Variants in ZNF138 observed in about 807,000 individuals in gnomAD.
The protein encoded by ZNF138 is zinc finger protein 138 (clone pHZ-32).
Under a neutral mutation model 33.0 loss-of-function variants are expected in ZNF138, and 33 were observed. The observed-to-expected ratio is 1.00, with a 90% confidence interval of 0.76 to 1.34. The LOEUF (loss-of-function observed/expected upper bound fraction) is 1.34, where lower values mean the gene tolerates loss of function less well. ZNF138 is among the 40% of genes most tolerant of loss of function. The pLI is 0.00. For synonymous variants in ZNF138, 139 were observed against 120.4 expected (o/e 1.15, Z -1.01); for missense variants, 360 against 370.8 (o/e 0.97, Z 0.24).
chr7:64,843,833 T>TTTG, the ZNF138 span, among the ~76,000 whole-genome samples: 1 of 151,820 alleles, frequency 6.6e-6, no homozygotes, highest in Non-Finnish European at 1.5e-5. Flanking sequence ...TTTTTTTTAT[T>TTTG]TTTTTGTTTT....
At chr7:64,794,948 A>G (rs1489468898) in intron 1 of ZNF138, among the ~76,000 whole-genome samples, 2 of 152,104 alleles carry the variant, frequency 1.3e-5, no homozygotes, top group African/African-American at 4.8e-5. Flanking sequence ...CTTTTCCCCT[A>G]TTAAAATTTA....
chr7:64,831,187 G>A lies in ZNF138; in HGVS notation c.209-264G>A, dbSNP rs1056819875. On this transcript the variant is annotated intron_variant, in intron 3 of 3. Coordinates refer to ENST00000307355, the MANE Select transcript of ZNF138 (RefSeq NM_001271639.2). ...ACAGAAAGAGCTGTGTTGGGTAAAT[G>A]TAACAGACTTTTCTCTCTCTTCTGT... 2.1e-6 allele frequency: 3 copies of A among 1,403,000 alleles called. No homozygotes were observed. In the South Asian group the frequency reaches 4.2e-5, roughly 20 times the overall value. The allele number at this position is 1,403,000 out of a possible 1,614,324, so 86.9% of individuals were successfully genotyped here.
the ZNF138 span, among the ~76,000 whole-genome samples, chr7:64,839,190 C>T: frequency 2.0e-5 from 3 of 152,296 alleles, no homozygotes; most frequent in South Asian, 4.1e-4. Context: ...GGGGGGCCAG[C>T]GAGATTGGTT....
chr7:64,802,885 GT>G (rs1205006675), intron 1 of ZNF138, among the ~76,000 whole-genome samples: 5 of 151,426 alleles, frequency 3.3e-5, no homozygotes, highest in African/African-American at 9.7e-5. Context: ...ATATCTGATT[GT>G]TCCCCTGCCT....
intron 3 of ZNF138, among the ~76,000 whole-genome samples, chr7:64,830,345 G>T (rs1285207780): frequency 1.3e-5 from 2 of 151,486 alleles, no homozygotes; most frequent in Non-Finnish European, 2.9e-5. Flanking sequence ...TCCACAATTT[G>T]TTTTTTAATA....
chr7:64,810,461 G>GGGGGAC (rs1788075918), intron 1 of ZNF138, among the ~76,000 whole-genome samples: 2 of 149,168 alleles, frequency 1.3e-5, no homozygotes, highest in African/African-American at 2.5e-5. Context: ...GAGAGGGGGA[G>GGGGGAC]GGGGAGAGGG....
At chr7:64,855,854 C>T in the ZNF138 span, among the ~76,000 whole-genome samples, 3 of 10,354 alleles carry the variant, frequency 2.9e-4, no homozygotes, top group African/African-American at 3.1e-4. Flanking sequence ...GTGATCTCGG[C>T]TCGCTACAAC....
At chr7:64,843,429 G>A in the ZNF138 span, among the ~76,000 whole-genome samples, 225 of 152,262 alleles carry the variant, frequency 1.5e-3, 1 homozygote, top group African/African-American at 5.1e-3. Context: ...CCATCAGTGT[G>A]CAAGCATTGC....
chr7:64,803,458 T>C (rs1376071212), intron 1 of ZNF138, among the ~76,000 whole-genome samples: 1 of 152,160 alleles, frequency 6.6e-6, no homozygotes, highest in Non-Finnish European at 1.5e-5. Flanking sequence ...TTATTTAATA[T>C]TTGCAGGCTG....
intron 3 of ZNF138, among the ~76,000 whole-genome samples, chr7:64,825,432 A>G (rs1317849579): frequency 2.0e-5 from 3 of 151,386 alleles, no homozygotes; most frequent in Admixed American, 6.6e-5. Flanking sequence ...TGGCCTCCCA[A>G]AGTGCTGGGA....
the ZNF138 span, among the ~76,000 whole-genome samples, chr7:64,851,558 AAC>A: frequency 1.3e-5 from 2 of 152,210 alleles, no homozygotes; most frequent in Non-Finnish European, 2.9e-5. Context: ...CCATCCACAG[AAC>A]AGTCTTTATT....
At chr7:64,816,632 A>G (rs1788659298) in intron 3 of ZNF138, among the ~76,000 whole-genome samples, 1 of 152,178 alleles carries the variant, frequency 6.6e-6, no homozygotes, top group Non-Finnish European at 1.5e-5. Flanking sequence ...GTCTACAACC[A>G]GCAACGTTTT....
chr7:64,835,666 G>A (rs1484813119), downstream of ZNF138: 1 of 152,060 alleles, frequency 6.6e-6, no homozygotes, highest in Non-Finnish European at 1.5e-5. Context: ...TTTTTCTGCT[G>A]TAAGCAAGTC....
chr7:64,811,842 G>C (rs1788203449), intron 1 of ZNF138, among the ~76,000 whole-genome samples: 1 of 152,166 alleles, frequency 6.6e-6, no homozygotes, highest in Admixed American at 6.5e-5. Flanking sequence ...CAGGAGACTT[G>C]TTTAAAACTC....
Position 64,832,397 on chromosome 7 carries a change from T to G in ZNF138, c.*195T>G. On this transcript the variant is annotated 3_prime_UTR_variant, in exon 4 of 4. Coordinates refer to ENST00000307355, the MANE Select transcript of ZNF138 (RefSeq NM_001271639.2). ...AGCTCACTGAACATAAGTTAATTCA[T>G]ACTGGAGAAAAACCCTACAAATGTA... 3 of 1,522,184 alleles carry G rather than the reference T, an allele frequency of 2.0e-6. No individual in the cohort carries two copies. The African/African-American group carries it at 4.2e-5, about 21-fold the overall frequency. 94.3% of individuals were successfully genotyped at this position (1,522,184 alleles called of 1,614,324 possible). A position where few individuals can be genotyped will look rare whatever the true frequency, so the allele number is the denominator to read the frequency against.
intron 1 of ZNF138, among the ~76,000 whole-genome samples, chr7:64,802,888 C>T (rs1787258488): frequency 2.0e-5 from 3 of 151,900 alleles, no homozygotes. Flanking sequence ...TCTGATTGTT[C>T]CCCTGCCTCG....
chr7:64,801,317 G>GT (rs1222682155), intron 1 of ZNF138, among the ~76,000 whole-genome samples: 1 of 152,038 alleles, frequency 6.6e-6, no homozygotes, highest in Non-Finnish European at 1.5e-5. Flanking sequence ...AAATTTTTCT[G>GT]TTAGCACTGC....
In ZNF138 at chr7:64,807,231, T is replaced by C. The variant is rs1583802249; in HGVS notation, c.4-7687T>C. 2.0e-5 allele frequency among the ~76,000 whole-genome samples: 3 copies of C among 152,302 alleles called. No individual in the cohort carries two copies. The South Asian group carries it at 6.2e-4, about 32-fold the overall frequency. ...CTCTGAAGGCTGTGAGACCCCTGATTTCCCACTTCATGCCTCTATATTTCT... is the reference window on the plus strand; with the variant it reads ...CTCTGAAGGCTGTGAGACCCCTGATCTCCCACTTCATGCCTCTATATTTCT... On this transcript the variant is annotated intron_variant, in intron 1 of 3. Transcript: ENST00000307355.
At chr7:64,828,709 T>TA (rs1383633708) in intron 3 of ZNF138, among the ~76,000 whole-genome samples, 38 of 152,120 alleles carry the variant, frequency 2.5e-4, no homozygotes, top group African/African-American at 9.2e-4. Context: ...TTTGTACTCA[T>TA]ACCAAATTGT....
Sources: allele counts gnomAD v4.1 joint callset (sites outside exome capture counted in the v4.1 genomes callset), GRCh38; gene constraint gnomAD v4.1.1; transcripts MANE v1.5; gene names NCBI Gene and HGNC (gene_info 2026-07-23, HGNC 2026-07-21).